The following SLCO1B3 variants were observed in gnomAD, a reference collection of about 807,000 sequenced individuals.
SLCO1B3 encodes solute carrier organic anion transporter family member 1B3.
SLCO1B3 carries 72 observed loss-of-function variants against 71.8 expected under a neutral mutation model. The observed-to-expected ratio is 1.00, with a 90% CI of 0.83 to 1.22. SLCO1B3 has a LOEUF of 1.22. Ranked by LOEUF, SLCO1B3 falls within the 50% of genes most tolerant of loss-of-function variation. The pLI, the probability that SLCO1B3 is intolerant of heterozygous loss-of-function variation, is 0.00. For synonymous variants in SLCO1B3, 298 were observed against 278.4 expected, an observed-to-expected ratio of 1.07 and a Z score of -0.70; for missense variants, 911 against 819.7, an observed-to-expected ratio of 1.11 and a Z score of -1.36.
intron 11 of SLCO1B3, 55 bp from the exon 12 acceptor site, chr12:20,880,800 C>T: frequency 7.7e-7 from 1 of 1,301,188 alleles, no homozygotes; most frequent in Non-Finnish European, 1.1e-6. Context: ...CTCTTCTGCT[C>T]TTTCTCTACT....
Position 20,883,556 on chromosome 12 carries a change from T to C in SLCO1B3, c.1636T>C (p.Leu546=). The C allele has an allele frequency of 1.2e-6, 2 of 1,602,958 alleles. No homozygotes were observed. Among genetic ancestry groups the C allele is most frequent in the Non-Finnish European group, 1.7e-6 (2 of 1,176,370 alleles). Residue 546 remains leucine (L), a synonymous_variant, in exon 13 of 16, where the codon TTG becomes CTG. Transcript: ENST00000381545. ...IYVAIQVINS[L]FSATGGTTFI... Reference sequence around the variant, plus strand: ...TGTTGCAATTCAAGTCATAAACTCTTTGTTCTCTGCAACAGGAGGTACCAC... The same window carrying C: ...TGTTGCAATTCAAGTCATAAACTCTCTGTTCTCTGCAACAGGAGGTACCAC...
chr12:20,844,271 T>G (rs1864862200), intron 3 of SLCO1B3, among the ~76,000 whole-genome samples: 1 of 152,066 alleles, frequency 6.6e-6, no homozygotes, highest in Non-Finnish European at 1.5e-5. Context: ...TCCAAATTTT[T>G]AAATAAAATT....
intron 3 of SLCO1B3, among the ~76,000 whole-genome samples, chr12:20,843,353 G>C (rs903175431): frequency 6.6e-6 from 1 of 151,972 alleles, no homozygotes. Flanking sequence ...TATATCTTCC[G>C]AATTTGATTT....
chr12:20,847,730 A>G (rs547808739), intron 3 of SLCO1B3, among the ~76,000 whole-genome samples: 2 of 152,052 alleles, frequency 1.3e-5, no homozygotes, highest in South Asian at 4.1e-4. Context: ...AAAGTGAACA[A>G]AACCTAAGGA....
At chr12:20,817,769 T>G (rs1864217200) in intron 3 of SLCO1B3, among the ~76,000 whole-genome samples, 1 of 151,776 alleles carries the variant, frequency 6.6e-6, no homozygotes, top group Non-Finnish European at 1.5e-5. Context: ...TTTTTTTATT[T>G]GTAGTAGAGA....
At chr12:20,911,846 G>T (rs996010595) in intron 15 of SLCO1B3, among the ~76,000 whole-genome samples, 1 of 151,890 alleles carries the variant, frequency 6.6e-6, no homozygotes, top group Non-Finnish European at 1.5e-5. Flanking sequence ...GCCTGGCAAG[G>T]GACTCCAATT....
intron 4 of SLCO1B3, among the ~76,000 whole-genome samples, chr12:20,855,924 C>T (rs1009301355): frequency 1.3e-5 from 2 of 151,828 alleles, no homozygotes; most frequent in African/African-American, 4.8e-5. Context: ...ATTATATAGA[C>T]TGCAAATATT....
intron 2 of SLCO1B3, among the ~76,000 whole-genome samples, chr12:20,814,738 AC>A (rs1392195575): frequency 2.6e-5 from 4 of 151,798 alleles, no homozygotes; most frequent in African/African-American, 4.8e-5. Context: ...AAAATACAAA[AC>A]AATTAGCCGG....
chr12:20,833,702 A>T (rs1405830402), intron 3 of SLCO1B3, among the ~76,000 whole-genome samples: 1 of 146,130 alleles, frequency 6.8e-6, no homozygotes, highest in East Asian at 2.0e-4. Context: ...AGAGATGATA[A>T]ATTACATGTA....
intron 3 of SLCO1B3, among the ~76,000 whole-genome samples, chr12:20,818,679 TC>T: frequency 6.6e-6 from 1 of 152,204 alleles, no homozygotes; most frequent in Non-Finnish European, 1.5e-5. Flanking sequence ...AATGAAAGGT[TC>T]TAAGAGGCGG....
At chr12:20,907,195 A>T (rs1866263422) in intron 15 of SLCO1B3, among the ~76,000 whole-genome samples, 1 of 152,012 alleles carries the variant, frequency 6.6e-6, no homozygotes, top group Non-Finnish European at 1.5e-5. Flanking sequence ...CTCTGGTGAA[A>T]ACTCCCTGGA....
chr12:20,815,675 T>G lies in SLCO1B3; in HGVS notation c.-64T>G. On this transcript the variant is annotated splice_region_variant and 5_prime_UTR_variant, in exon 3 of 16. An upstream open reading frame in the 5' UTR loses its in-frame stop. Transcript: ENST00000381545. Reference sequence around the variant, plus strand: ...ATTATACTTTTTCTTTTTTAACAGGTGATCATTTCAAACCAAGCATCAGCA... The same window carrying G: ...ATTATACTTTTTCTTTTTTAACAGGGGATCATTTCAAACCAAGCATCAGCA... 9.6e-7 allele frequency: 1 copy of G among 1,042,800 alleles called. No homozygotes were observed. Among genetic ancestry groups the G allele is most frequent in the South Asian group, 1.4e-5 (1 of 71,496 alleles). The allele number at this position is 1,042,800 out of a possible 1,614,324, so 64.6% of individuals were successfully genotyped here. A position where few individuals can be genotyped will look rare whatever the true frequency, so the allele number is the denominator to read the frequency against.
chr12:20,875,428 A>G lies in SLCO1B3; in HGVS notation c.921A>G (p.Gln307=). The change falls in exon 9 of 16, where the codon CAA becomes CAG. Residue 307 remains glutamine, a synonymous_variant. Coordinates refer to ENST00000381545, the MANE Select transcript of SLCO1B3 (RefSeq NM_019844.4). ...HVLKTNDDRN[Q]TANLTNQGKN... is the part of the protein sequence containing the mutation. Reference sequence around the variant, plus strand: ...TGAAAACAAATGATGATAGAAATCAAACAGCTAATTTGACCAACCAAGGAA... The same window carrying G: ...TGAAAACAAATGATGATAGAAATCAGACAGCTAATTTGACCAACCAAGGAA... 1 of 1,607,404 alleles carries G rather than the reference A, an allele frequency of 6.2e-7. No homozygotes were observed. Among genetic ancestry groups the G allele is most frequent in the Non-Finnish European group, 8.5e-7 (1 of 1,178,434 alleles).
intron 3 of SLCO1B3, among the ~76,000 whole-genome samples, chr12:20,822,688 A>C (rs1325911837): frequency 6.6e-6 from 1 of 152,184 alleles, no homozygotes; most frequent in Non-Finnish European, 1.5e-5. Context: ...GGGAATGGTC[A>C]GTTATTTATT....
At chr12:20,894,540 A>C (rs1865965651) in intron 13 of SLCO1B3, among the ~76,000 whole-genome samples, 1 of 152,090 alleles carries the variant, frequency 6.6e-6, no homozygotes, top group African/African-American at 2.4e-5. Flanking sequence ...CCCTGGGTGA[A>C]AATACAGCTC....
chr12:20,815,662 C>T lies in SLCO1B3; in HGVS notation c.-65-12C>T. On this transcript the variant is annotated splice_polypyrimidine_tract_variant and intron_variant, in intron 2 of 15. Transcript: ENST00000381545. Reference sequence around the variant, plus strand: ...TAAAGTAAAATAAATTATACTTTTTCTTTTTTAACAGGTGATCATTTCAAA... The same window carrying T: ...TAAAGTAAAATAAATTATACTTTTTTTTTTTTAACAGGTGATCATTTCAAA... 1.1e-6 allele frequency: 1 copy of T among 930,834 alleles called. No individual in the cohort carries two copies. The highest frequency in any genetic ancestry group is 1.7e-6 in the Non-Finnish European group (1 of 595,942). 57.7% of individuals were successfully genotyped at this position (930,834 alleles called of 1,614,324 possible).
chr12:20,843,210 A>G (rs1864839069), intron 3 of SLCO1B3, among the ~76,000 whole-genome samples: 1 of 152,126 alleles, frequency 6.6e-6, no homozygotes, highest in Non-Finnish European at 1.5e-5. Context: ...TAGATATTAT[A>G]TCTATTTTCT....
At chr12:20,825,757 G>A (rs1802009076) in intron 3 of SLCO1B3, among the ~76,000 whole-genome samples, 1 of 139,962 alleles carries the variant, frequency 7.1e-6, no homozygotes, top group African/African-American at 2.7e-5. Flanking sequence ...CGAGATTGTG[G>A]CACTGCACTC....
chr12:20,856,662 C>T (rs891465127), intron 4 of SLCO1B3, among the ~76,000 whole-genome samples: 3 of 152,186 alleles, frequency 2.0e-5, no homozygotes, highest in Non-Finnish European at 4.4e-5. Context: ...TGGGTTTAAG[C>T]AATTCTCCTG....
Sources: gnomAD v4.1 joint callset for allele counts (sites outside exome capture counted in the v4.1 genomes callset) on GRCh38, gnomAD v4.1.1 for gene constraint, MANE v1.5 for transcripts, NCBI Gene and HGNC (gene_info 2026-07-23, HGNC 2026-07-21) for gene names.